Variants in SCGB2B2 observed in about 807,000 individuals in gnomAD.
The protein encoded by SCGB2B2 is secretoglobin family 2B member 2, also known as secretoglobin-like protein.
Under a neutral mutation model 7.6 loss-of-function variants are expected in SCGB2B2, and 11 were observed. The ratio of observed to expected loss-of-function variants is 1.45; its 90% CI spans 0.91 to 2.40. The LOEUF (loss-of-function observed/expected upper bound fraction) is 2.40, where lower values mean the gene tolerates loss of function less well. Among genes scored for constraint, SCGB2B2 ranks in the 30% most tolerant of loss-of-function variants. The probability of loss-of-function intolerance (pLI) is 0.00; values close to 1 mark genes in which losing one functional copy is unlikely to be tolerated. For synonymous variants in SCGB2B2, 50 were observed against 48.6 expected, an observed-to-expected ratio of 1.03 and a Z score of -0.12; for missense variants, 104 against 115.4, an observed-to-expected ratio of 0.90 and a Z score of 0.45.
At chr19:34,654,220 TTAAAA>T (rs1438371003) in intron 1 of SCGB2B2, among the ~76,000 whole-genome samples, 1 of 151,228 alleles carries the variant, frequency 6.6e-6, no homozygotes, top group African/African-American at 2.5e-5. Flanking sequence ...ATACAAGATT[TTAAAA>T]TAAAATTAGA....
At chr19:34,600,542 A>G (rs967286845) in intron 1 of SCGB2B2, among the ~76,000 whole-genome samples, 1 of 152,168 alleles carries the variant, frequency 6.6e-6, no homozygotes, top group African/African-American at 2.4e-5. Flanking sequence ...AGATTGCCAC[A>G]ATCTGGTATC....
At chr19:34,634,889 G>T in intron 1 of SCGB2B2, 1 of 272,520 alleles carries the variant, frequency 3.7e-6, no homozygotes, top group South Asian at 5.3e-5. Flanking sequence ...AAATGAGGCT[G>T]GATCTTTGGC....
chr19:34,630,332 C>G (rs1010791744), intron 1 of SCGB2B2, among the ~76,000 whole-genome samples: 1 of 151,814 alleles, frequency 6.6e-6, no homozygotes, highest in African/African-American at 2.4e-5. Flanking sequence ...AGGCAACCTA[C>G]AAAATGGGAG....
chr19:34,587,353 G>A (rs2065206613), downstream of SCGB2B2, among the ~76,000 whole-genome samples: 1 of 152,090 alleles, frequency 6.6e-6, no homozygotes, highest in Non-Finnish European at 1.5e-5. Flanking sequence ...GTTCAGGAAT[G>A]GTACTGATTT....
At chr19:34,637,666 TTG>T (rs1256367670) in intron 1 of SCGB2B2, 1 of 153,902 alleles carries the variant, frequency 6.5e-6, no homozygotes, top group Non-Finnish European at 1.5e-5. Flanking sequence ...AATAAATATT[TTG>T]TGTTATTTAT....
At chr19:34,654,451 T>A in intron 1 of SCGB2B2, among the ~76,000 whole-genome samples, 1 of 151,322 alleles carries the variant, frequency 6.6e-6, no homozygotes, top group Non-Finnish European at 1.5e-5. Context: ...TTGTTACAGG[T>A]CAATTATATG....
At chr19:34,588,475 T>C (rs1046526871), downstream of SCGB2B2, among the ~76,000 whole-genome samples, 1 of 152,134 alleles carries the variant, frequency 6.6e-6, no homozygotes, top group Non-Finnish European at 1.5e-5. Flanking sequence ...CTTGGCCGAG[T>C]GGCACCAGGA....
chr19:34,614,914 C>A (rs2066029792), intron 1 of SCGB2B2, among the ~76,000 whole-genome samples: 1 of 152,222 alleles, frequency 6.6e-6, no homozygotes, highest in South Asian at 2.1e-4. Context: ...ATGGCCTAGA[C>A]TGCAGATGTT....
intron 1 of SCGB2B2, among the ~76,000 whole-genome samples, chr19:34,672,569 C>G (rs2067829691): frequency 6.6e-6 from 1 of 152,170 alleles, no homozygotes; most frequent in African/African-American, 2.4e-5. Flanking sequence ...GGGTATCCAT[C>G]TTTATCCCTT....
intron 1 of SCGB2B2, among the ~76,000 whole-genome samples, chr19:34,663,663 C>T (rs2067527016): frequency 6.6e-6 from 1 of 152,106 alleles, no homozygotes; most frequent in Admixed American, 6.5e-5. Context: ...GTTTGCATCA[C>T]AGACATCACT....
At position 34,591,671 on chromosome 19, in the gene SCGB2B2, G is replaced by A. The variant is rs1364930100; in HGVS notation, c.*1884C>T. 2.6e-5 allele frequency among the ~76,000 whole-genome samples: 4 copies of A among 152,116 alleles called. No homozygotes were observed. The highest frequency in any genetic ancestry group is 5.9e-5 in the Non-Finnish European group (4 of 68,020). On this transcript the variant is annotated 3_prime_UTR_variant, in exon 4 of 4. Coordinates refer to ENST00000601241, the MANE Select transcript of SCGB2B2 (RefSeq NM_001025591.4). ...TGCTGCCCCTTGTTCCAGCTGCACT[G>A]GCCATTTCTCCAACACAACAAATCC...
In SCGB2B2 at chr19:34,645,535, GACACAGACACAC is replaced by G. The variant is rs1255285789; in HGVS notation, c.-2032+30083_-2032+30094del. The G allele has an allele frequency of 8.8e-3, 1,219 of 138,200 alleles. 12 individuals carry two copies. The highest frequency in any genetic ancestry group is 0.056 in the East Asian group (253 of 4,496). The allele number at this position is 138,200 out of a possible 1,614,324, so 8.6% of individuals were successfully genotyped here. A position where few individuals can be genotyped will look rare whatever the true frequency, so the allele number is the denominator to read the frequency against. Reference sequence around the variant, plus strand: ...ACACAGACACACACAGACACACACAGACACAGACACACACACACACACACACACACACACACA... The same window carrying G: ...ACACAGACACACACAGACACACACAGACACACACACACACACACACACACA... On this transcript the variant is annotated intron_variant, in intron 1 of 3. Transcript: ENST00000601241.
chr19:34,594,062 G>T (rs2065370470), intron 3 of SCGB2B2, 113 bp downstream of exon 3: 1 of 865,666 alleles, frequency 1.2e-6, no homozygotes, highest in Admixed American at 2.2e-5. Flanking sequence ...CGCATCCTGG[G>T]ATGTGGCTTC....
chr19:34,672,806 C>T (rs2067834780), intron 1 of SCGB2B2, among the ~76,000 whole-genome samples: 1 of 152,198 alleles, frequency 6.6e-6, no homozygotes, highest in Non-Finnish European at 1.5e-5. Flanking sequence ...ACGACACCTT[C>T]TTCCATAACC....
chr19:34,610,890 A>T (rs2065909171), intron 1 of SCGB2B2, among the ~76,000 whole-genome samples: 1 of 152,032 alleles, frequency 6.6e-6, no homozygotes, highest in African/African-American at 2.4e-5. Context: ...CTCTGAGAAG[A>T]ACTGGTATCA....
intron 1 of SCGB2B2, among the ~76,000 whole-genome samples, chr19:34,650,332 C>T (rs1284253896): frequency 6.6e-6 from 1 of 151,276 alleles, no homozygotes; most frequent in East Asian, 1.9e-4. Context: ...TTGGCCAAAC[C>T]TCCTGCTCAC....
chr19:34,607,568 T>C (rs2065816082), intron 1 of SCGB2B2, among the ~76,000 whole-genome samples: 1 of 152,232 alleles, frequency 6.6e-6, no homozygotes, highest in Admixed American at 6.5e-5. Flanking sequence ...TTTTTACCAA[T>C]AGTGCACAAG....
At chr19:34,623,025 C>T (rs1224103270) in intron 1 of SCGB2B2, among the ~76,000 whole-genome samples, 1 of 151,148 alleles carries the variant, frequency 6.6e-6, no homozygotes, top group East Asian at 1.9e-4. Context: ...GAGTTTTCTT[C>T]TCCACTCACC....
At chr19:34,589,857 T>C (rs974868984), downstream of SCGB2B2, among the ~76,000 whole-genome samples, 2 of 152,004 alleles carry the variant, frequency 1.3e-5, no homozygotes, top group African/African-American at 2.4e-5. Context: ...CCCCGAGGGC[T>C]TTTCCTGGAG....
Sources: allele counts gnomAD v4.1 joint callset (sites outside exome capture counted in the v4.1 genomes callset), GRCh38; gene constraint gnomAD v4.1.1; transcripts MANE v1.5; gene names NCBI Gene and HGNC (gene_info 2026-07-23, HGNC 2026-07-21).